LHFPL3: variants seen among roughly 807,000 people sequenced by gnomAD.
LHFPL3 encodes LHFPL tetraspan subfamily member 3.
In LHFPL3, 5 loss-of-function variants were observed where a neutral mutation model predicts 19.3. That is an observed-to-expected ratio of 0.26 (90% CI 0.14 to 0.54). The LOEUF is 0.54. Ranked by LOEUF, LHFPL3 falls within the 20% of genes least tolerant of loss-of-function variation. The pLI is 0.94. For missense variants in LHFPL3, 249 were observed against 307.4 expected (o/e 0.81, Z 1.42); for synonymous variants, 133 against 126.2 (o/e 1.05, Z -0.36).
intron 2 of LHFPL3, among the ~76,000 whole-genome samples, chr7:104,789,829 C>T (rs1441677397): frequency 6.6e-6 from 1 of 152,146 alleles, no homozygotes; most frequent in Non-Finnish European, 1.5e-5. Flanking sequence ...GAGAATTCCT[C>T]CCACACACAT....
chr7:104,658,759 T>C lies in LHFPL3; in HGVS notation c.446-77916T>C, dbSNP rs141296537. Among the ~76,000 whole-genome samples the C allele has an allele frequency of 4.8e-3, 735 of 152,206 alleles. 6 individuals carry two copies. Among genetic ancestry groups the C allele is most frequent in the African/African-American group, 0.017 (691 of 41,506 alleles). ...GAGCTGAGATCACGCCACTGCACTC[T>C]AGCCTGGCCGACAGAGCGAGACTTC... is the stretch of plus-strand genomic sequence containing the variant. On this transcript the variant is annotated intron_variant, in intron 1 of 2. Coordinates refer to ENST00000424859, the MANE Select transcript of LHFPL3 (RefSeq NM_199000.3).
chr7:104,365,870 A>G (rs965994663), intron 1 of LHFPL3, among the ~76,000 whole-genome samples: 2 of 151,804 alleles, frequency 1.3e-5, no homozygotes, highest in Admixed American at 6.6e-5. Flanking sequence ...AGATGGATAT[A>G]CTGAAGGGTA....
At chr7:104,621,880 T>C (rs1791452129) in intron 1 of LHFPL3, among the ~76,000 whole-genome samples, 1 of 152,072 alleles carries the variant, frequency 6.6e-6, no homozygotes, top group African/African-American at 2.4e-5. Context: ...AAAATAGGCC[T>C]CTCATGCCCC....
chr7:104,341,212 G>A (rs529853665), intron 1 of LHFPL3, among the ~76,000 whole-genome samples: 1 of 152,292 alleles, frequency 6.6e-6, no homozygotes, highest in Admixed American at 6.5e-5. Flanking sequence ...AAAGAAGGTA[G>A]TGATTTAAAA....
At chr7:104,447,166 T>C (rs1213400778) in intron 1 of LHFPL3, among the ~76,000 whole-genome samples, 1 of 152,140 alleles carries the variant, frequency 6.6e-6, no homozygotes, top group African/African-American at 2.4e-5. Context: ...TATTATATAA[T>C]TGGATATAAA....
chr7:104,465,207 G>A (rs73405771), intron 1 of LHFPL3, among the ~76,000 whole-genome samples: 14,800 of 151,710 alleles, frequency 0.098, 865 homozygotes, highest in African/African-American at 0.16. Flanking sequence ...TTGTCCATTG[G>A]ACTTCATTGT....
At chr7:104,593,521 T>C (rs997508555) in intron 1 of LHFPL3, among the ~76,000 whole-genome samples, 20 of 152,150 alleles carry the variant, frequency 1.3e-4, no homozygotes, top group Non-Finnish European at 2.8e-4. Flanking sequence ...CTCTGTTGAT[T>C]TGGGGTGGAG....
intron 2 of LHFPL3, among the ~76,000 whole-genome samples, chr7:104,838,150 G>A (rs1366723485): frequency 6.6e-6 from 1 of 152,138 alleles, no homozygotes; most frequent in Admixed American, 6.6e-5. Context: ...GTTCTCAACT[G>A]GAGGGATACG....
intron 1 of LHFPL3, among the ~76,000 whole-genome samples, chr7:104,441,822 C>A (rs1792229907): frequency 6.6e-6 from 1 of 152,196 alleles, no homozygotes; most frequent in African/African-American, 2.4e-5. Flanking sequence ...GATCCGCCCA[C>A]CTCGGCCTCC....
chr7:104,534,915 G>A (rs1266519921), intron 1 of LHFPL3, among the ~76,000 whole-genome samples: 1 of 152,148 alleles, frequency 6.6e-6, no homozygotes, highest in African/African-American at 2.4e-5. Flanking sequence ...GCCTGTTGAA[G>A]ATAGCAATTC....
At chr7:104,452,943 C>T (rs2116604559) in intron 1 of LHFPL3, among the ~76,000 whole-genome samples, 1 of 152,222 alleles carries the variant, frequency 6.6e-6, no homozygotes, top group East Asian at 1.9e-4. Context: ...AAGCACCCAC[C>T]CCTTACTTTG....
At chr7:104,801,593 T>C (rs1344172596) in intron 2 of LHFPL3, among the ~76,000 whole-genome samples, 1 of 152,146 alleles carries the variant, frequency 6.6e-6, no homozygotes, top group East Asian at 1.9e-4. Context: ...GTTTTTGAGA[T>C]GGAGTCTCGG....
Position 104,687,087 on chromosome 7 carries a change from C to A in LHFPL3, c.446-49588C>A, listed in dbSNP as rs145211534. Among the ~76,000 whole-genome samples, 234 of 152,346 alleles carry A rather than the reference C, an allele frequency of 1.5e-3. 2 individuals are homozygous for A. Among genetic ancestry groups the A allele is most frequent in the African/African-American group, 5.3e-3 (220 of 41,592 alleles). On this transcript the variant is annotated intron_variant, in intron 1 of 2. Coordinates refer to ENST00000424859, the MANE Select transcript of LHFPL3 (RefSeq NM_199000.3). ...TGAGATTTGGGTGGGGACACAGAGC[C>A]AGACCATATATAGCTATAAATCAGG...
chr7:104,707,271 C>A (rs977017455), intron 1 of LHFPL3, among the ~76,000 whole-genome samples: 1 of 152,200 alleles, frequency 6.6e-6, no homozygotes, highest in African/African-American at 2.4e-5. Context: ...GGTTTTCTAA[C>A]CATCCAGTTC....
intron 1 of LHFPL3, among the ~76,000 whole-genome samples, chr7:104,625,740 G>T (rs1299387591): frequency 5.9e-5 from 9 of 152,126 alleles, no homozygotes; most frequent in Admixed American, 4.6e-4. Flanking sequence ...AGAGGTCAAT[G>T]GCCACTTAAA....
chr7:104,404,316 A>G (rs1791375050), intron 1 of LHFPL3, among the ~76,000 whole-genome samples: 2 of 152,210 alleles, frequency 1.3e-5, no homozygotes, highest in African/African-American at 2.4e-5. Flanking sequence ...GAAACTAAAC[A>G]TATTTTTCAT....
intron 2 of LHFPL3, among the ~76,000 whole-genome samples, chr7:104,810,263 T>C (rs1584546823): frequency 6.6e-6 from 1 of 152,014 alleles, no homozygotes; most frequent in African/African-American, 2.4e-5. Context: ...CCAAGGGCAA[T>C]GAGAAGCCAT....
intron 1 of LHFPL3, among the ~76,000 whole-genome samples, chr7:104,456,115 A>G (rs1792535493): frequency 6.6e-6 from 1 of 152,206 alleles, no homozygotes; most frequent in African/African-American, 2.4e-5. Context: ...GTCTTTTGCA[A>G]TCTTATGTAC....
chr7:104,439,593 C>G (rs1362554448), intron 1 of LHFPL3, among the ~76,000 whole-genome samples: 1 of 152,112 alleles, frequency 6.6e-6, no homozygotes, highest in Non-Finnish European at 1.5e-5. Flanking sequence ...ATATGATTAT[C>G]TCTTTCTGTA....
Sources: allele counts gnomAD v4.1 joint callset (sites outside exome capture counted in the v4.1 genomes callset), GRCh38; gene constraint gnomAD v4.1.1; transcripts MANE v1.5; gene names NCBI Gene and HGNC (gene_info 2026-07-23, HGNC 2026-07-21).